Variants in PACRG observed in about 807,000 individuals in gnomAD.
PACRG encodes parkin coregulated.
PACRG carries 29 observed loss-of-function variants against 29.7 expected under a neutral mutation model. The observed-to-expected ratio is 0.98, with a 90% CI of 0.73 to 1.33. The LOEUF is 1.33. Among genes scored for constraint, PACRG ranks in the 40% most tolerant of loss-of-function variants. The pLI is 0.00. For synonymous variants in PACRG, 116 were observed against 118.7 expected, an observed-to-expected ratio of 0.98 and a Z score of 0.15; for missense variants, 279 against 316.2, an observed-to-expected ratio of 0.88 and a Z score of 0.89.
At chr6:163,109,217 T>G (rs1815571193) in intron 4 of PACRG, among the ~76,000 whole-genome samples, 1 of 152,220 alleles carries the variant, frequency 6.6e-6, no homozygotes, top group Non-Finnish European at 1.5e-5. Context: ...GGTGTACTCT[T>G]TCAATAATTT....
At chr6:162,842,437 T>C (rs9365496) in intron 2 of PACRG, among the ~76,000 whole-genome samples, 2 of 151,814 alleles carry the variant, frequency 1.3e-5, no homozygotes, top group African/African-American at 4.8e-5. Context: ...TTTTTTGTTT[T>C]CCATTTGCTT....
chr6:162,761,005 G>T (rs187232820), intron 1 of PACRG, among the ~76,000 whole-genome samples: 2 of 152,126 alleles, frequency 1.3e-5, no homozygotes, highest in Non-Finnish European at 2.9e-5. Flanking sequence ...GGCCGGGCAG[G>T]GTCTAGGGAT....
At position 162,796,073 on chromosome 6, in the gene PACRG, T is replaced by G. The variant is rs575662661; in HGVS notation, c.157-18074T>G. Among the ~76,000 whole-genome samples the G allele has an allele frequency of 3.9e-5, 6 of 152,310 alleles. No individual in the cohort carries two copies. In the East Asian group the frequency reaches 9.6e-4, roughly 24 times the overall value. On this transcript the variant is annotated intron_variant, in intron 1 of 4. Transcript: ENST00000366888. ...TTAACCTCATTTTTTTTCTCTTACCTAATTGTACTGGCTAGTGCCTCCAAT... is the reference window on the plus strand; with the variant it reads ...TTAACCTCATTTTTTTTCTCTTACCGAATTGTACTGGCTAGTGCCTCCAAT...
intron 2 of PACRG, among the ~76,000 whole-genome samples, chr6:162,960,457 A>T (rs150142809): frequency 6.6e-6 from 1 of 152,328 alleles, no homozygotes; most frequent in African/African-American, 2.4e-5. Context: ...CTTTGCAGCA[A>T]CATGGATGCA....
At chr6:163,253,453 TTTA>T (rs1253292600) in intron 4 of PACRG, among the ~76,000 whole-genome samples, 2 of 152,178 alleles carry the variant, frequency 1.3e-5, no homozygotes, top group Non-Finnish European at 1.5e-5. Flanking sequence ...AATTAAACTT[TTTA>T]AAGTTTCAGG....
intron 2 of PACRG, among the ~76,000 whole-genome samples, chr6:162,834,609 G>T (rs1473806839): frequency 6.6e-6 from 1 of 151,546 alleles, no homozygotes. Context: ...TTTTTTAAAA[G>T]ATTTGATAAT....
intron 2 of PACRG, among the ~76,000 whole-genome samples, chr6:163,041,579 T>G (rs1380673092): frequency 6.6e-6 from 1 of 152,164 alleles, no homozygotes; most frequent in Admixed American, 6.5e-5. Context: ...TCCTCCCCAG[T>G]CATGTGGAAC....
chr6:163,115,336 GA>G (rs886202323), intron 4 of PACRG, among the ~76,000 whole-genome samples: 4 of 152,074 alleles, frequency 2.6e-5, no homozygotes, highest in African/African-American at 9.7e-5. Context: ...CTGGATCTTG[GA>G]AAAAGCAGAG....
At chr6:162,822,862 G>T (rs1253841338) in intron 2 of PACRG, among the ~76,000 whole-genome samples, 1 of 151,690 alleles carries the variant, frequency 6.6e-6, no homozygotes, top group African/African-American at 2.4e-5. Flanking sequence ...TGTTATGTTA[G>T]GTATATTATA....
At chr6:162,904,997 A>G (rs73786130) in intron 2 of PACRG, among the ~76,000 whole-genome samples, 10,640 of 152,180 alleles carry the variant, frequency 0.07, 1,285 homozygotes, top group African/African-American at 0.24. Context: ...AGGACTATAC[A>G]TGGAGTTGAA....
chr6:163,290,323 C>CACAG (rs796997363), intron 4 of PACRG, among the ~76,000 whole-genome samples: 4,267 of 148,690 alleles, frequency 0.029, 81 homozygotes, highest in Admixed American at 0.069. Context: ...CACACACACA[C>CACAG]AGCAATCACT....
At chr6:162,933,601 C>CTTTTTTTTTTTTTTTTTTTTTTTT (rs71008119) in intron 2 of PACRG, among the ~76,000 whole-genome samples, 4 of 74,610 alleles carry the variant, frequency 5.4e-5, no homozygotes, top group Non-Finnish European at 7.2e-5. Flanking sequence ...CTTTCTGTAT[C>CTTTTTTTTTTTTTTTTTTTTTTTT]TTTTTTTTTT....
chr6:163,243,032 A>G (rs1017717158), intron 4 of PACRG, among the ~76,000 whole-genome samples: 5 of 152,330 alleles, frequency 3.3e-5, no homozygotes, highest in Non-Finnish European at 7.3e-5. Flanking sequence ...TTATTTTTTC[A>G]TAACAGGCCA....
At chr6:162,914,158 T>C (rs979080634) in intron 2 of PACRG, among the ~76,000 whole-genome samples, 23 of 152,176 alleles carry the variant, frequency 1.5e-4, no homozygotes, top group Non-Finnish European at 2.5e-4. Context: ...AGATCTCCTA[T>C]GCTTTGTTTG....
chr6:163,224,509 T>C (rs1162495112), intron 4 of PACRG, among the ~76,000 whole-genome samples: 1 of 150,030 alleles, frequency 6.7e-6, no homozygotes, highest in Non-Finnish European at 1.5e-5. Context: ...TAGAACAGAA[T>C]AGAGAGGCCA....
At chr6:163,029,630 T>C (rs1304438582) in intron 2 of PACRG, among the ~76,000 whole-genome samples, 1 of 152,222 alleles carries the variant, frequency 6.6e-6, no homozygotes, top group Non-Finnish European at 1.5e-5. Context: ...TTCTACCTCT[T>C]GAGACAAAAG....
chr6:163,226,653 G>A (rs115874056), intron 4 of PACRG, among the ~76,000 whole-genome samples: 2 of 152,124 alleles, frequency 1.3e-5, no homozygotes, highest in Admixed American at 1.3e-4. Context: ...GCTGGAGGAA[G>A]GGGTAACCTT....
At chr6:163,280,587 C>T (rs1328930393) in intron 4 of PACRG, among the ~76,000 whole-genome samples, 1 of 152,124 alleles carries the variant, frequency 6.6e-6, no homozygotes. Context: ...GCTGGAACCA[C>T]AAAAATGTAT....
intron 4 of PACRG, among the ~76,000 whole-genome samples, chr6:163,255,195 T>G (rs1783059369): frequency 6.6e-6 from 1 of 152,154 alleles, no homozygotes; most frequent in South Asian, 2.1e-4. Context: ...TACATAGAAT[T>G]GTTGGTGTCA....
Sources: allele counts gnomAD v4.1 joint callset (sites outside exome capture counted in the v4.1 genomes callset), GRCh38; gene constraint gnomAD v4.1.1; transcripts MANE v1.5; gene names NCBI Gene and HGNC (gene_info 2026-07-23, HGNC 2026-07-21).